CHLSN: variants seen among roughly 807,000 people sequenced by gnomAD.
The protein encoded by CHLSN is protein cholesin.
chr7:1,136,254 T>C, the CHLSN span, among the ~76,000 whole-genome samples: 1 of 117,224 alleles, frequency 8.5e-6, no homozygotes, highest in Non-Finnish European at 1.6e-5. Context: ...TATAAATATA[T>C]ATAAACATAT....
chr7:1,121,476 G>A, the CHLSN span, among the ~76,000 whole-genome samples: 2 of 152,244 alleles, frequency 1.3e-5, no homozygotes, highest in Non-Finnish European at 2.9e-5. Flanking sequence ...TCAAGGCCAT[G>A]AAGTTCACGG....
the CHLSN span, among the ~76,000 whole-genome samples, chr7:1,015,210 G>A: frequency 6.6e-6 from 1 of 152,190 alleles, no homozygotes; most frequent in African/African-American, 2.4e-5. Context: ...GGGGGGCTGA[G>A]GGGTGAGGAA....
the CHLSN span, among the ~76,000 whole-genome samples, chr7:1,022,277 C>A: frequency 0.074 from 11,229 of 152,258 alleles, 439 homozygotes; most frequent in Middle Eastern, 0.12. Flanking sequence ...CCACGAGCTC[C>A]TCTTTCTCCT....
the CHLSN span, among the ~76,000 whole-genome samples, chr7:1,111,987 CTG>C: frequency 6.6e-6 from 1 of 152,220 alleles, no homozygotes; most frequent in African/African-American, 2.4e-5. Flanking sequence ...ATAAATTTCT[CTG>C]TATTTTCTAA....
chr7:997,743 C>G, the CHLSN span: 1 of 1,611,192 alleles, frequency 6.2e-7, no homozygotes, highest in Admixed American at 1.7e-5. Flanking sequence ...CGTCAGCTCT[C>G]GGGCCCGGCC....
At chr7:1,072,720 C>T in the CHLSN span, among the ~76,000 whole-genome samples, 1 of 138,338 alleles carries the variant, frequency 7.2e-6, no homozygotes, top group African/African-American at 2.8e-5. Flanking sequence ...CTCGCTCCAT[C>T]GTGCCCAGGC....
chr7:1,136,483 CATAT>C, the CHLSN span, among the ~76,000 whole-genome samples: 5 of 109,204 alleles, frequency 4.6e-5, no homozygotes, highest in South Asian at 2.7e-4. Context: ...AATATATAAA[CATAT>C]ATAAACATAT....
At chr7:1,101,653 C>T in the CHLSN span, among the ~76,000 whole-genome samples, 20 of 152,246 alleles carry the variant, frequency 1.3e-4, no homozygotes, top group African/African-American at 4.6e-4. Context: ...CGTCCCGTGT[C>T]CCAGCACCGG....
chr7:1,108,672 G>A, the CHLSN span, among the ~76,000 whole-genome samples: 2 of 152,148 alleles, frequency 1.3e-5, no homozygotes, highest in South Asian at 4.1e-4. Context: ...TCTCGGCTAG[G>A]AGGGCAGTTG....
At chr7:1,136,403 T>TATAA in the CHLSN span, among the ~76,000 whole-genome samples, 4 of 116,010 alleles carry the variant, frequency 3.4e-5, no homozygotes, top group Admixed American at 2.9e-4. Flanking sequence ...TATATAAATA[T>TATAA]ATATAAACAT....
At chr7:1,093,282 G>A in the CHLSN span, 1 of 436,858 alleles carries the variant, frequency 2.3e-6, no homozygotes, top group South Asian at 1.7e-5. Flanking sequence ...CTGCCACCGT[G>A]GGGGAACTGA....
chr7:986,885 G>A, the CHLSN span: 13 of 1,384,960 alleles, frequency 9.4e-6, no homozygotes, highest in East Asian at 5.1e-5. Context: ...GGTCCATACC[G>A]GTCCTGCACC....
chr7:1,096,501 C>T, the CHLSN span, among the ~76,000 whole-genome samples: 1 of 152,182 alleles, frequency 6.6e-6, no homozygotes, highest in South Asian at 2.1e-4. This position sits in a 1 kb window ranked among gnomAD's most constrained non-coding sequence, Gnocchi z 4.6. Flanking sequence ...TGGGTGCCGC[C>T]GGCGCAGCCA....
the CHLSN span, among the ~76,000 whole-genome samples, chr7:1,122,760 C>T: frequency 7.9e-5 from 12 of 152,294 alleles, no homozygotes; most frequent in Non-Finnish European, 1.3e-4. Flanking sequence ...CCCAGCTCCC[C>T]GGGGAGGGCT....
chr7:1,110,541 T>A, the CHLSN span, among the ~76,000 whole-genome samples: 3 of 152,210 alleles, frequency 2.0e-5, no homozygotes, highest in African/African-American at 7.2e-5. Context: ...ATGGCTCCCG[T>A]GGGGCAGAGC....
At chr7:1,100,367 G>A in the CHLSN span, among the ~76,000 whole-genome samples, 2 of 152,240 alleles carry the variant, frequency 1.3e-5, no homozygotes, top group African/African-American at 2.4e-5. Context: ...TTCTCTGGGA[G>A]AGAGTGGACA....
At chr7:1,124,394 C>T in the CHLSN span, among the ~76,000 whole-genome samples, 2 of 151,578 alleles carry the variant, frequency 1.3e-5, no homozygotes, top group African/African-American at 4.9e-5. Context: ...GGTGACGCCG[C>T]GCCCACCAAA....
the CHLSN span, among the ~76,000 whole-genome samples, chr7:1,079,583 G>A: frequency 1.3e-5 from 2 of 152,212 alleles, no homozygotes. Flanking sequence ...ATAAACCAGC[G>A]TGCTGAGGGA....
At chr7:1,070,149 C>A in the CHLSN span, among the ~76,000 whole-genome samples, 11 of 100,876 alleles carry the variant, frequency 1.1e-4, no homozygotes, top group African/African-American at 4.4e-4. Flanking sequence ...CCCCTCCGCC[C>A]GGCAGCTGCC....
Sources: allele counts gnomAD v4.1 joint callset (sites outside exome capture counted in the v4.1 genomes callset), GRCh38; gene constraint gnomAD v4.1.1; non-coding constraint Gnocchi (gnomAD v3.1); transcripts MANE v1.5; gene names NCBI Gene and HGNC (gene_info 2026-07-23, HGNC 2026-07-21).